DMXL2: variants seen among roughly 807,000 people sequenced by gnomAD.
DMXL2 encodes dmX-like protein 2.
In DMXL2, 103 loss-of-function variants were observed where a neutral mutation model predicts 331.1. The ratio of observed to expected loss-of-function variants is 0.31; its 90% CI spans 0.27 to 0.37. The LOEUF (loss-of-function observed/expected upper bound fraction) is 0.37. DMXL2 is among the 10% of genes least tolerant of loss of function. DMXL2 has a pLI of 1.00. For missense variants in DMXL2, 3,171 were observed against 3,642.9 expected, an observed-to-expected ratio of 0.87 and a Z score of 3.33; for synonymous variants, 1,281 against 1,252.1, an observed-to-expected ratio of 1.02 and a Z score of -0.49.
chr15:51,603,477 G>C (rs2053366957), intron 1 of DMXL2: 1 of 152,000 alleles, frequency 6.6e-6, no homozygotes, highest in African/African-American at 2.4e-5. Flanking sequence ...TTCTGAAAAA[G>C]AAAACTCCAG....
At chr15:51,591,463 T>G (rs1388042688) in intron 1 of DMXL2, among the ~76,000 whole-genome samples, 1 of 152,056 alleles carries the variant, frequency 6.6e-6, no homozygotes, top group African/African-American at 2.4e-5. Context: ...CCCACCTCAG[T>G]TCAAGGAGGC....
intron 43 of DMXL2, 130 bp from the exon 44 acceptor site, chr15:51,449,323 G>A: frequency 1.3e-6 from 1 of 753,144 alleles, no homozygotes; most frequent in Admixed American, 2.5e-5. Context: ...TCTTTCCTAA[G>A]AGCTTATCTA....
At chr15:51,508,800 C>T (rs2046572423) in intron 15 of DMXL2, among the ~76,000 whole-genome samples, 1 of 152,096 alleles carries the variant, frequency 6.6e-6, no homozygotes, top group Non-Finnish European at 1.5e-5. Flanking sequence ...AATCCAATAG[C>T]CCTAGTTGAT....
chr15:51,557,049 T>TAA (rs55873332), intron 6 of DMXL2, among the ~76,000 whole-genome samples: 20 of 148,712 alleles, frequency 1.3e-4, no homozygotes, highest in Admixed American at 8.0e-4. Flanking sequence ...ACACTGCAGT[T>TAA]AAAAAAAAAA....
chr15:51,506,141 C>T (rs1306064093), intron 16 of DMXL2, among the ~76,000 whole-genome samples: 1 of 152,136 alleles, frequency 6.6e-6, no homozygotes, highest in East Asian at 1.9e-4. Flanking sequence ...GGTGCAGTCT[C>T]GGCTCATTGC....
At chr15:51,555,608 T>C (rs1343571460) in intron 6 of DMXL2, among the ~76,000 whole-genome samples, 11 of 152,078 alleles carry the variant, frequency 7.2e-5, no homozygotes. Context: ...ACAAAATTGA[T>C]AAACTCTTGG....
intron 13 of DMXL2, among the ~76,000 whole-genome samples, chr15:51,529,986 A>G (rs2047908929): frequency 6.6e-6 from 1 of 152,206 alleles, no homozygotes. Flanking sequence ...AACAGAATGA[A>G]GGACAACAGA....
At chr15:51,489,043 A>C (rs1368150741) in intron 20 of DMXL2, among the ~76,000 whole-genome samples, 2 of 152,252 alleles carry the variant, frequency 1.3e-5, no homozygotes, top group African/African-American at 4.8e-5. Flanking sequence ...AGAAAAGGGA[A>C]TAGAAACCAC....
At chr15:51,517,268 C>T in intron 13 of DMXL2, 101 bp from the exon 14 acceptor site, 1 of 790,010 alleles carries the variant, frequency 1.3e-6, no homozygotes, top group South Asian at 1.6e-5. Context: ...TAAATATTCA[C>T]TGATTGGCAA....
intron 6 of DMXL2, among the ~76,000 whole-genome samples, chr15:51,556,112 G>A (rs1406292062): frequency 6.6e-6 from 1 of 152,010 alleles, no homozygotes; most frequent in African/African-American, 2.4e-5. Flanking sequence ...GGGAGGCCAA[G>A]GCAGGTGGAT....
rs201906356 is a variant in DMXL2, at chr15:51,453,646, G to A, written c.8605-5C>T. 2.8e-5 allele frequency: 45 copies of A among 1,609,674 alleles called. No homozygotes were observed. The highest frequency in any genetic ancestry group is 3.7e-5 in the Non-Finnish European group (44 of 1,177,726). ...TTTACTGTGGCACTGCCAACTCTAC[G>A]AAAAACAAAGTGCAACTGATGTTAT... On this transcript the variant is annotated splice_region_variant and splice_polypyrimidine_tract_variant and intron_variant, in intron 40 of 43. Coordinates refer to ENST00000560891, the MANE Select transcript of DMXL2 (RefSeq NM_001378457.1).
chr15:51,464,639 C>T, intron 32 of DMXL2, 36 bp downstream of exon 32: 1 of 1,578,824 alleles, frequency 6.3e-7, no homozygotes, highest in Non-Finnish European at 8.7e-7. Flanking sequence ...AAAAGTTAAG[C>T]TACGCTCTTT....
At chr15:51,525,196 T>C (rs1221294779) in intron 13 of DMXL2, among the ~76,000 whole-genome samples, 3 of 151,806 alleles carry the variant, frequency 2.0e-5, no homozygotes, top group African/African-American at 7.3e-5. Flanking sequence ...GCAGGATTCA[T>C]CACCTGCTAA....
chr15:51,478,617 T>C (rs2041772765), intron 25 of DMXL2, among the ~76,000 whole-genome samples: 1 of 152,140 alleles, frequency 6.6e-6, no homozygotes. Flanking sequence ...AGCAAAGTGC[T>C]AATGTTCATA....
In DMXL2 at chr15:51,462,667, G is replaced by A. The variant is rs1256535544; in HGVS notation, c.7926+712C>T. On this transcript the variant is annotated intron_variant, in intron 33 of 43. Coordinates refer to ENST00000560891, the MANE Select transcript of DMXL2 (RefSeq NM_001378457.1). ...TGCCAAATCTTTAATTACATCAGAC[G>A]CTCAACTCTGAATACTCTTCAAACT... 1.5e-4 allele frequency among the ~76,000 whole-genome samples: 23 copies of A among 151,918 alleles called. 1 individual carries two copies. The highest frequency in any genetic ancestry group is 1.4e-3 in the Admixed American group (22 of 15,238).
At chr15:51,458,343 T>C (rs916846923) in intron 36 of DMXL2, among the ~76,000 whole-genome samples, 163 bp downstream of exon 36, 1 of 152,224 alleles carries the variant, frequency 6.6e-6, no homozygotes, top group Admixed American at 6.5e-5. Context: ...ATTCAGTTAA[T>C]GTAGACAAAG....
chr15:51,476,771 G>C, intron 26 of DMXL2, 52 bp from the exon 27 acceptor site: 1 of 1,488,490 alleles, frequency 6.7e-7, no homozygotes, highest in Non-Finnish European at 8.9e-7. Flanking sequence ...ATAAAAAATT[G>C]CACTTTATGT....
At chr15:51,556,856 A>G (rs1244288979) in intron 6 of DMXL2, among the ~76,000 whole-genome samples, 1 of 152,194 alleles carries the variant, frequency 6.6e-6, no homozygotes, top group East Asian at 1.9e-4. Flanking sequence ...TAGAAAAACA[A>G]TCTAGCAAAC....
At chr15:51,593,177 G>A (rs142326748) in intron 1 of DMXL2, among the ~76,000 whole-genome samples, 97 of 152,260 alleles carry the variant, frequency 6.4e-4, no homozygotes, top group African/African-American at 2.0e-3. Context: ...CCCATCTCAC[G>A]TGCAGAGACA....
Sources: gnomAD v4.1 joint callset for allele counts (sites outside exome capture counted in the v4.1 genomes callset) on GRCh38, gnomAD v4.1.1 for gene constraint, MANE v1.5 for transcripts, NCBI Gene and HGNC (gene_info 2026-07-23, HGNC 2026-07-21) for gene names.